Variants in TMEM132C observed in about 807,000 individuals in gnomAD.
The protein encoded by TMEM132C is transmembrane protein 132C.
Under a neutral mutation model 61.4 loss-of-function variants are expected in TMEM132C, and 29 were observed. The observed-to-expected ratio is 0.47, with a 90% CI of 0.35 to 0.64. The LOEUF is 0.64. TMEM132C is among the 30% of genes least tolerant of loss of function. The pLI is 0.00. For synonymous variants in TMEM132C, 656 were observed against 633.1 expected (o/e 1.04, Z -0.54); for missense variants, 1,408 against 1,476.9 (o/e 0.95, Z 0.76).
At chr12:128,426,329 T>C (rs1869183185) in intron 2 of TMEM132C, among the ~76,000 whole-genome samples, 1 of 152,232 alleles carries the variant, frequency 6.6e-6, no homozygotes, top group Non-Finnish European at 1.5e-5. Context: ...ATTGTCCACA[T>C]ACCTGGCTTG....
At chr12:128,598,358 C>A (rs1359121071) in intron 3 of TMEM132C, among the ~76,000 whole-genome samples, 2 of 152,110 alleles carry the variant, frequency 1.3e-5, no homozygotes, top group Non-Finnish European at 2.9e-5. Flanking sequence ...ATCGCTTGAA[C>A]CTGGGAGGCG....
chr12:128,526,130 GTGTGCCA>G (rs202224480), intron 2 of TMEM132C, among the ~76,000 whole-genome samples: 3,199 of 152,290 alleles, frequency 0.021, 114 homozygotes, highest in African/African-American at 0.071. Flanking sequence ...TATTTTGAGT[GTGTGCCA>G]TGTGCCAGGA....
At chr12:128,535,816 C>T (rs944403662) in intron 2 of TMEM132C, among the ~76,000 whole-genome samples, 2 of 151,440 alleles carry the variant, frequency 1.3e-5, no homozygotes, top group Non-Finnish European at 2.9e-5. Flanking sequence ...TGCAGTGAAC[C>T]GAGATCACGC....
At position 128,486,862 on chromosome 12, in the gene TMEM132C, CAT is replaced by C. The variant is rs199840677; in HGVS notation, c.975-57094_975-57093del. On this transcript the variant is annotated intron_variant, in intron 2 of 8. Transcript: ENST00000435159. Reference sequence around the variant, plus strand: ...GAATGTGTTTTTAGATGCTTGTAAACATGTGTGCATGCAAACACACACACACA... The same window carrying C: ...GAATGTGTTTTTAGATGCTTGTAAACGTGTGCATGCAAACACACACACACA... Among the ~76,000 whole-genome samples, 1,209 of 144,052 alleles carry C rather than the reference CAT, an allele frequency of 8.4e-3. 16 individuals carry two copies. The highest frequency in any genetic ancestry group is 0.029 in the African/African-American group (1,115 of 38,592). 94.5% of individuals were successfully genotyped at this position (144,052 alleles called of 152,430 possible). A position where few individuals can be genotyped will look rare whatever the true frequency, so the allele number is the denominator to read the frequency against.
chr12:128,296,977 G>A (rs1032736553), intron 1 of TMEM132C, among the ~76,000 whole-genome samples: 1 of 152,010 alleles, frequency 6.6e-6, no homozygotes, highest in African/African-American at 2.4e-5. Flanking sequence ...AACACACCCC[G>A]TGATCTTTGG....
In TMEM132C at chr12:128,705,107, G is replaced by A. The variant is rs76335652; in HGVS notation, c.2139G>A (p.Thr713=). 4.9e-3 allele frequency: 7,533 copies of A among 1,540,824 alleles called. 275 individuals are homozygous for A. The African/African-American group carries it at 0.083, about 17-fold the overall frequency. ...CCCTGCAGGAGGCTGTATTCAGCAC[G>A]TGGCTGCAGTTCAGTGATGGCTCTG... is the stretch of plus-strand genomic sequence containing the variant. The part of the protein sequence containing the change: ...RTPKQEAVFS[T]WLQFSDGSVT... The change falls in exon 9 of 9, where the codon ACG becomes ACA. Residue 713 remains threonine, a synonymous_variant. Transcript: ENST00000435159.
At chr12:128,698,038 C>T (rs981834911) in intron 8 of TMEM132C, among the ~76,000 whole-genome samples, 4 of 152,232 alleles carry the variant, frequency 2.6e-5, no homozygotes, top group Non-Finnish European at 5.9e-5. Context: ...TTTCTTACCA[C>T]ATAAAGCATG....
chr12:128,521,319 A>ATATG (rs1052490746), intron 2 of TMEM132C, among the ~76,000 whole-genome samples: 25 of 21,578 alleles, frequency 1.2e-3, no homozygotes, highest in African/African-American at 1.7e-3. Flanking sequence ...ATATATATAT[A>ATATG]TGTGTGTGTG....
chr12:128,432,636 G>A (rs1869430519), intron 2 of TMEM132C, among the ~76,000 whole-genome samples: 1 of 152,192 alleles, frequency 6.6e-6, no homozygotes, highest in African/African-American at 2.4e-5. Flanking sequence ...GGAAAATGAA[G>A]AATGACTTCT....
At chr12:128,491,023 AG>A (rs1427088575) in intron 2 of TMEM132C, among the ~76,000 whole-genome samples, 1 of 152,150 alleles carries the variant, frequency 6.6e-6, no homozygotes. Flanking sequence ...GACTCATTCA[AG>A]GTGTAGAGTG....
chr12:128,314,666 A>T (rs1565898592), intron 1 of TMEM132C, among the ~76,000 whole-genome samples: 1 of 152,184 alleles, frequency 6.6e-6, no homozygotes, highest in Non-Finnish European at 1.5e-5. Flanking sequence ...AGAGACACAC[A>T]GAAAAGGGAC....
intron 1 of TMEM132C, among the ~76,000 whole-genome samples, chr12:128,364,578 C>G (rs1235888998): frequency 1.3e-5 from 2 of 152,192 alleles, no homozygotes; most frequent in African/African-American, 2.4e-5. Context: ...TCTCACTCTC[C>G]CTTTTTCTCC....
intron 2 of TMEM132C, among the ~76,000 whole-genome samples, chr12:128,514,560 T>C (rs1872662870): frequency 6.6e-6 from 1 of 152,164 alleles, no homozygotes; most frequent in South Asian, 2.1e-4. Flanking sequence ...GTTCAGTGTT[T>C]GGGACTTCCA....
chr12:128,633,861 A>G (rs753302154), intron 4 of TMEM132C, among the ~76,000 whole-genome samples: 1 of 152,234 alleles, frequency 6.6e-6, no homozygotes, highest in Non-Finnish European at 1.5e-5. Context: ...AAAAAAAATC[A>G]TGGTTAATAA....
chr12:128,431,130 G>A (rs73159860), intron 2 of TMEM132C, among the ~76,000 whole-genome samples: 2,689 of 152,322 alleles, frequency 0.018, 32 homozygotes, highest in Non-Finnish European at 0.027. Context: ...TGAAACGTGC[G>A]ACTCCAGTGA....
chr12:128,547,624 C>T (rs548457091), intron 3 of TMEM132C, among the ~76,000 whole-genome samples: 15 of 151,770 alleles, frequency 9.9e-5, no homozygotes, highest in African/African-American at 3.6e-4. Context: ...GGTGAGTCAC[C>T]AATTTGAGAT....
chr12:128,528,894 A>G (rs1873184959), intron 2 of TMEM132C, among the ~76,000 whole-genome samples: 1 of 152,170 alleles, frequency 6.6e-6, no homozygotes. Context: ...AGCTGGACAG[A>G]CAGATTTCCC....
At chr12:128,548,176 G>A (rs146161276) in intron 3 of TMEM132C, among the ~76,000 whole-genome samples, 14 of 152,244 alleles carry the variant, frequency 9.2e-5, no homozygotes, top group African/African-American at 3.4e-4. Flanking sequence ...ACCATGAATG[G>A]GCACCAAGGG....
At chr12:128,359,586 C>T (rs902978772) in intron 1 of TMEM132C, among the ~76,000 whole-genome samples, 24 of 152,186 alleles carry the variant, frequency 1.6e-4, no homozygotes, top group East Asian at 1.9e-4. Context: ...TGAGAAAAAA[C>T]AGCCACTTCT....
Sources: allele counts gnomAD v4.1 joint callset (sites outside exome capture counted in the v4.1 genomes callset), GRCh38; gene constraint gnomAD v4.1.1; transcripts MANE v1.5; gene names NCBI Gene and HGNC (gene_info 2026-07-23, HGNC 2026-07-21).